SORL1: variants seen among roughly 807,000 people sequenced by gnomAD.
SORL1 encodes sortilin related receptor 1, also known as sortilin-related receptor.
In SORL1, 127 loss-of-function variants were observed where a neutral mutation model predicts 273.7. That is an observed-to-expected ratio of 0.46 (90% CI 0.40 to 0.54). The LOEUF is 0.54. Ranked by LOEUF, SORL1 falls within the 20% of genes least tolerant of loss-of-function variation. The probability of loss-of-function intolerance (pLI) is 0.00; values close to 1 mark genes in which losing one functional copy is unlikely to be tolerated. For synonymous variants in SORL1, 1,031 were observed against 1,067.4 expected (o/e 0.97, Z 0.66); for missense variants, 2,494 against 2,846.1 (o/e 0.88, Z 2.81).
At chr11:121,607,955 G>T in intron 37 of SORL1, 149 bp from the exon 38 acceptor site, 1 of 595,700 alleles carries the variant, frequency 1.7e-6, no homozygotes, top group South Asian at 2.5e-5. Flanking sequence ...TCAGATGCTG[G>T]GGCCTCTGAA....
At chr11:121,581,311 G>A (rs1863012367) in intron 25 of SORL1, among the ~76,000 whole-genome samples, 1 of 152,190 alleles carries the variant, frequency 6.6e-6, no homozygotes, top group Non-Finnish European at 1.5e-5. Context: ...TTTGGTTAAT[G>A]CTTTTAATCA....
At chr11:121,623,398 C>T (rs1203564410) in intron 45 of SORL1, among the ~76,000 whole-genome samples, 1 of 152,072 alleles carries the variant, frequency 6.6e-6, no homozygotes, top group Non-Finnish European at 1.5e-5. Context: ...GTGTTCACAC[C>T]CATTGATCCA....
At chr11:121,492,338 G>A (rs896898291) in intron 5 of SORL1, among the ~76,000 whole-genome samples, 8 of 151,988 alleles carry the variant, frequency 5.3e-5, no homozygotes, top group Non-Finnish European at 1.0e-4. Flanking sequence ...TCCAGCCTGT[G>A]CGACAGACCA....
intron 33 of SORL1, 60 bp downstream of exon 33, chr11:121,604,384 A>G: frequency 6.3e-7 from 1 of 1,592,504 alleles, no homozygotes; most frequent in Non-Finnish European, 8.5e-7. Context: ...CGCTTACCCC[A>G]GGGCCCCTCC....
chr11:121,597,826 A>C (rs1309364614), intron 32 of SORL1, among the ~76,000 whole-genome samples: 2 of 152,158 alleles, frequency 1.3e-5, no homozygotes, highest in African/African-American at 2.4e-5. Flanking sequence ...TGGTGTAGGC[A>C]GTAGCAGAAG....
chr11:121,500,896 A>G (rs1441649292), intron 6 of SORL1, among the ~76,000 whole-genome samples: 2 of 152,224 alleles, frequency 1.3e-5, no homozygotes, highest in East Asian at 1.9e-4. Flanking sequence ...TGACTAAGCA[A>G]CCACGAATTT....
Position 121,627,984 on chromosome 11 carries a change from G to A in SORL1, c.6577+217G>A, listed in dbSNP as rs1022005563. 6.6e-6 allele frequency among the ~76,000 whole-genome samples: 1 copy of A among 152,144 alleles called. No homozygotes were observed. The highest frequency in any genetic ancestry group is 6.5e-5 in the Admixed American group (1 of 15,270). On this transcript the variant is annotated intron_variant, in intron 47 of 47. Transcript: ENST00000260197. The surrounding 1 kb of genome is among the most constrained non-coding windows in gnomAD (Gnocchi z 4.9). ...AAAATGTTGTATTCTCTTTGATTGT[G>A]TAGTTCTGGCCTGAAACAGGGAGCT...
chr11:121,539,354 T>A (rs922988094), intron 12 of SORL1, among the ~76,000 whole-genome samples: 3 of 152,252 alleles, frequency 2.0e-5, no homozygotes, highest in Admixed American at 1.3e-4. Flanking sequence ...TCAAATAAAC[T>A]GTTTCATAAT....
intron 8 of SORL1, among the ~76,000 whole-genome samples, chr11:121,514,696 G>A (rs182620088): frequency 6.6e-6 from 1 of 152,268 alleles, no homozygotes; most frequent in Admixed American, 6.5e-5. Context: ...AGTGAGAGCT[G>A]GCATATGCGG....
Position 121,497,037 on chromosome 11 carries a change from T to TTC in SORL1, c.927_928insTC (p.Thr310SerfsTer27). ...AGCTTCGGGACAAGTACATGTTTGC[T>TTC]ACAAAGGTGGTGGTAAGTTGAATGT... On this transcript the variant is annotated frameshift_variant, in exon 6 of 48. Coordinates refer to ENST00000260197, the MANE Select transcript of SORL1 (RefSeq NM_003105.6). LOFTEE classifies it high-confidence loss of function. 1.9e-6 allele frequency: 3 copies of TTC among 1,613,598 alleles called. No homozygotes were observed. The highest frequency in any genetic ancestry group is 2.5e-6 in the Non-Finnish European group (3 of 1,179,878).
chr11:121,502,939 G>C (rs1049877212), intron 6 of SORL1, among the ~76,000 whole-genome samples: 1 of 152,098 alleles, frequency 6.6e-6, no homozygotes, highest in African/African-American at 2.4e-5. Flanking sequence ...GAGCGATTGT[G>C]GCTCACTGCA....
intron 3 of SORL1, among the ~76,000 whole-genome samples, chr11:121,481,831 TCTC>T (rs1258397501): frequency 1.4e-5 from 2 of 142,130 alleles, no homozygotes; most frequent in Admixed American, 7.3e-5. Flanking sequence ...GCAGGCTTCA[TCTC>T]CTCCTCCCCA....
At chr11:121,498,506 C>T (rs1433408514) in intron 6 of SORL1, among the ~76,000 whole-genome samples, 1 of 152,084 alleles carries the variant, frequency 6.6e-6, no homozygotes, top group Non-Finnish European at 1.5e-5. Context: ...TTGCTTGAAC[C>T]AGGGCAGGAT....
At chr11:121,562,590 G>A (rs1010332220) in intron 21 of SORL1, among the ~76,000 whole-genome samples, 4 of 152,154 alleles carry the variant, frequency 2.6e-5, no homozygotes, top group Admixed American at 2.0e-4. Flanking sequence ...TTTAGGAGCC[G>A]GCTGGGTTAT....
At chr11:121,538,409 A>G (rs766396110) in intron 12 of SORL1, among the ~76,000 whole-genome samples, 3 of 152,148 alleles carry the variant, frequency 2.0e-5, no homozygotes, top group Non-Finnish European at 4.4e-5. Context: ...CCTATTCCAG[A>G]ATTTCATGTT....
rs559973175 is a variant in SORL1 at position 121,625,261 on chromosome 11, C to T, written c.6348C>T (p.Tyr2116=). Residue 2116 remains tyrosine, a synonymous_variant, in exon 46 of 48, where the codon TAC becomes TAT. Transcript: ENST00000260197. ...GTGGGGAGCCTGCCATCCTGCTGTA[C>T]GATGAGCTGGGGTCTGGTGAGTTGC... ...QICGEPAILL[Y]DELGSGADAS... is the part of the protein sequence containing the mutation. 32 of 1,613,032 alleles carry T rather than the reference C, an allele frequency of 2.0e-5. No individual in the cohort carries two copies. The Admixed American group carries it at 3.3e-4, about 17-fold the overall frequency.
chr11:121,497,490 A>T lies in SORL1; in HGVS notation c.939+441A>T, dbSNP rs1426114157. On this transcript the variant is annotated intron_variant, in intron 6 of 47. Coordinates refer to ENST00000260197, the MANE Select transcript of SORL1 (RefSeq NM_003105.6). ...CATGTCAATTTACATGGCTAATAGG[A>T]TGTGTAGTCATTGGCTAGTGGGAGT... Among the ~76,000 whole-genome samples the T allele has an allele frequency of 2.6e-5, 4 of 152,112 alleles. No homozygotes were observed. In the South Asian group the frequency reaches 8.3e-4, roughly 32 times the overall value.
chr11:121,467,285 G>C (rs934838530), intron 1 of SORL1, among the ~76,000 whole-genome samples: 1 of 152,128 alleles, frequency 6.6e-6, no homozygotes, highest in African/African-American at 2.4e-5. Context: ...ATGTTTTGAG[G>C]CTTGCCCTTG....
Position 121,550,360 on chromosome 11 carries a change from A to G in SORL1, c.2181-225A>G, listed in dbSNP as rs1418868738. 6.6e-6 allele frequency among the ~76,000 whole-genome samples: 1 copy of G among 152,250 alleles called. No homozygotes were observed. The highest frequency in any genetic ancestry group is 6.5e-5 in the Admixed American group (1 of 15,288). ...CTTCAGAGGAATGTATTCAAGAGAT[A>G]TATTTAAAAATCTTGGCCAGGACAG... On this transcript the variant is annotated intron_variant, in intron 15 of 47. Transcript: ENST00000260197. The surrounding 1 kb of genome is among the most constrained non-coding windows in gnomAD (Gnocchi z 5.3).
Sources: allele counts gnomAD v4.1 joint callset (sites outside exome capture counted in the v4.1 genomes callset), GRCh38; gene constraint gnomAD v4.1.1; non-coding constraint Gnocchi (gnomAD v3.1); transcripts MANE v1.5; gene names NCBI Gene and HGNC (gene_info 2026-07-23, HGNC 2026-07-21).